BPTF: variants seen among roughly 807,000 people sequenced by gnomAD.
BPTF encodes the protein bromodomain PHD finger transcription factor.
BPTF carries 18 observed loss-of-function variants against 292.5 expected under a neutral mutation model. The observed-to-expected ratio is 0.06, with a 90% confidence interval of 0.04 to 0.09. BPTF has a LOEUF of 0.09. Among genes scored for constraint, BPTF ranks in the 10% least tolerant of loss-of-function variants. BPTF has a pLI of 1.00. For synonymous variants in BPTF, 1,225 were observed against 1,251.9 expected, an observed-to-expected ratio of 0.98 and a Z score of 0.45; for missense variants, 2,726 against 3,498.7, an observed-to-expected ratio of 0.78 and a Z score of 5.57.
intron 2 of BPTF, 48 bp from the exon 3 acceptor site, chr17:67,866,416 G>A (rs1359329729): frequency 7.3e-7 from 1 of 1,376,484 alleles, no homozygotes. Context: ...TGTCAGATAA[G>A]TGGCATTATG....
intron 1 of BPTF, among the ~76,000 whole-genome samples, chr17:67,839,580 T>G (rs1445253712): frequency 1.3e-5 from 2 of 152,234 alleles, no homozygotes; most frequent in Admixed American, 6.5e-5. Flanking sequence ...AGTTTATACA[T>G]GTACAGTGCA....
chr17:67,912,777 A>G lies in BPTF; in HGVS notation c.4893A>G (p.Thr1631=), dbSNP rs778708162. ...AKSTVTTTTT[T]VTKLSTPSTG... ...CCACTGTCACAACCACCACTACAAC[A>G]GTGACCAAGCTTTCCACACCCTCCA... Residue 1631 remains threonine (T), a synonymous_variant, in exon 11 of 28, where the codon ACA becomes ACG. Coordinates refer to ENST00000306378, the MANE Select transcript of BPTF (RefSeq NM_182641.4). 1 of 1,614,162 alleles carries G rather than the reference A, an allele frequency of 6.2e-7. No individual in the cohort carries two copies. Among genetic ancestry groups the G allele is most frequent in the Non-Finnish European group, 8.5e-7 (1 of 1,180,030 alleles).
chr17:67,929,189 TTTCACTGA>T, intron 16 of BPTF, 139 bp from the exon 17 acceptor site: 1 of 1,413,186 alleles, frequency 7.1e-7, no homozygotes. Context: ...TTCATCTCCT[TTTCACTGA>T]TTTCAGTCCT....
chr17:67,886,085 C>T, intron 4 of BPTF: 1 of 1,359,016 alleles, frequency 7.4e-7, no homozygotes, highest in Admixed American at 2.1e-5. Flanking sequence ...CGTCATTTTT[C>T]ATGTGATTTC....
intron 4 of BPTF, among the ~76,000 whole-genome samples, chr17:67,882,424 T>C (rs1261533937): frequency 6.6e-6 from 1 of 152,232 alleles, no homozygotes; most frequent in Non-Finnish European, 1.5e-5. Context: ...TTAGTTTCTT[T>C]GTTTACATTT....
intron 5 of BPTF, among the ~76,000 whole-genome samples, chr17:67,892,595 TC>T (rs1379075225): frequency 2.0e-4 from 30 of 152,166 alleles, no homozygotes; most frequent in African/African-American, 6.8e-4. Context: ...TCTCCCATAT[TC>T]GAGAATTATT....
intron 3 of BPTF, among the ~76,000 whole-genome samples, chr17:67,872,515 G>A (rs1334871484): frequency 7.9e-5 from 12 of 152,066 alleles, no homozygotes; most frequent in Admixed American, 7.9e-4. Context: ...AGACCAGCAT[G>A]GCCAACATAG....
At position 67,854,643 on chromosome 17, in the gene BPTF, G is replaced by T. The variant is rs1280824575; in HGVS notation, c.1317G>T (p.Val439=). 6.2e-7 allele frequency: 1 copy of T among 1,614,108 alleles called. No homozygotes were observed. Among genetic ancestry groups the T allele is most frequent in the South Asian group, 1.1e-5 (1 of 91,078 alleles). ...WQCEVCVAHK[V]PGVTDCVAEI... ...GTGAAGTCTGTGTAGCACACAAGGT[G>T]CCTGGTGTGACTGACTGTGTTGCTG... is the stretch of plus-strand genomic sequence containing the variant. Residue 439 remains valine, a synonymous_variant, in exon 2 of 28, where the codon GTG becomes GTT. Transcript: ENST00000306378. This position sits in a 1 kb window ranked among gnomAD's most constrained non-coding sequence, Gnocchi z 5.6.
chr17:67,931,908 T>C lies in BPTF; in HGVS notation c.6151-3T>C, dbSNP rs925287714. On this transcript the variant is annotated splice_polypyrimidine_tract_variant and splice_region_variant and intron_variant, in intron 17 of 27. Coordinates refer to ENST00000306378, the MANE Select transcript of BPTF (RefSeq NM_182641.4). Reference sequence around the variant, plus strand: ...AATTCATTGTTCTTTGTGTCATTTATAGGTAATCACAGGGCCTCAGATTCG... The same window carrying C: ...AATTCATTGTTCTTTGTGTCATTTACAGGTAATCACAGGGCCTCAGATTCG... 1.2e-6 allele frequency: 2 copies of C among 1,606,594 alleles called. No individual in the cohort carries two copies. The highest frequency in any genetic ancestry group is 1.3e-5 in the African/African-American group (1 of 74,774).
chr17:67,840,381 A>G (rs1009318281), intron 1 of BPTF, among the ~76,000 whole-genome samples: 1 of 152,070 alleles, frequency 6.6e-6, no homozygotes, highest in Non-Finnish European at 1.5e-5. Flanking sequence ...TGCTGAGATT[A>G]CAGGCATGAG....
chr17:67,949,640 CATATATATATATACACACAGACAT>C (rs1194587822), intron 23 of BPTF, among the ~76,000 whole-genome samples: 30 of 150,472 alleles, frequency 2.0e-4, no homozygotes, highest in African/African-American at 7.4e-4. Context: ...CACATACGTA[CATATATATATATACACACAGACAT>C]ATATATATAT....
intron 4 of BPTF, among the ~76,000 whole-genome samples, chr17:67,878,373 C>T (rs567153478): frequency 6.6e-6 from 1 of 152,150 alleles, no homozygotes; most frequent in Non-Finnish European, 1.5e-5. Flanking sequence ...GTTTCTTGTG[C>T]ACATACATGT....
chr17:67,910,526 G>C (rs146353526), intron 10 of BPTF, among the ~76,000 whole-genome samples: 1 of 152,124 alleles, frequency 6.6e-6, no homozygotes, highest in Non-Finnish European at 1.5e-5. Flanking sequence ...TTGGCTGGGC[G>C]TGGTGGCTCA....
chr17:67,885,321 G>A (rs1313122711), intron 4 of BPTF, among the ~76,000 whole-genome samples: 2 of 152,110 alleles, frequency 1.3e-5, no homozygotes. Context: ...AGTGGCTCAC[G>A]CCTGTAATCC....
Position 67,913,097 on chromosome 17 carries a change from G to A in BPTF, c.5213G>A (p.Arg1738Gln), listed in dbSNP as rs1264742600. The A allele has an allele frequency of 1.8e-5, 29 of 1,614,002 alleles. No homozygotes were observed. The highest frequency in any genetic ancestry group is 2.7e-5 in the African/African-American group (2 of 74,894). The change falls in exon 11 of 28, where the codon CGA (arginine) becomes CAA (glutamine). Residue 1738 changes from arginine to glutamine, a missense_variant. Arg to Gln is a conservative substitution (Grantham distance 43). Coordinates refer to ENST00000306378, the MANE Select transcript of BPTF (RefSeq NM_182641.4). Reference protein sequence around the residue: ...LKKLARKGGIREVPYFNYNAK... With the variant: ...LKKLARKGGIQEVPYFNYNAK... ...AAGTTGGCCCGAAAAGGAGGAATCC[G>A]AGAGGTCCCTTATTTTAATTACAAT... is the stretch of plus-strand genomic sequence containing the variant.
At chr17:67,901,885 G>A (rs956328181) in intron 7 of BPTF, among the ~76,000 whole-genome samples, 1 of 152,308 alleles carries the variant, frequency 6.6e-6, no homozygotes, top group African/African-American at 2.4e-5. Context: ...GAGGATATAG[G>A]GGGGTACTCC....
intron 3 of BPTF, among the ~76,000 whole-genome samples, chr17:67,872,818 G>A (rs1373092514): frequency 6.6e-6 from 1 of 152,140 alleles, no homozygotes; most frequent in Non-Finnish European, 1.5e-5. Flanking sequence ...AGGAATTAAG[G>A]GCTGGGCACT....
At position 67,903,858 on chromosome 17, in the gene BPTF, A is replaced by G; in HGVS notation, c.2613A>G (p.Glu871=). ...EKVKKKEKKQ[E]EEETMQQATW... ...TCAAAAAAAAAGAGAAGAAACAGGA[A>G]GAAGAAGAAACGATGCAGCAAGCGA... Residue 871 remains glutamate (E), a synonymous_variant, in exon 8 of 28, where the codon GAA becomes GAG. Coordinates refer to ENST00000306378, the MANE Select transcript of BPTF (RefSeq NM_182641.4). The G allele has an allele frequency of 6.3e-7, 1 of 1,593,200 alleles. No individual in the cohort carries two copies. The highest frequency in any genetic ancestry group is 8.5e-7 in the Non-Finnish European group (1 of 1,173,834).
intron 2 of BPTF, among the ~76,000 whole-genome samples, chr17:67,858,305 A>G (rs1415397332): frequency 6.6e-6 from 1 of 152,196 alleles, no homozygotes; most frequent in Admixed American, 6.5e-5. Flanking sequence ...TGGTCATGGT[A>G]TTCATTGTGC....
Sources: gnomAD v4.1 joint callset for allele counts (sites outside exome capture counted in the v4.1 genomes callset) on GRCh38, gnomAD v4.1.1 for gene constraint, Gnocchi (gnomAD v3.1) non-coding constraint, MANE v1.5 for transcripts, NCBI Gene and HGNC (gene_info 2026-07-23, HGNC 2026-07-21) for gene names.